The following WWOX variants were observed in gnomAD, a reference collection of about 807,000 sequenced individuals.
WWOX encodes the protein WW domain containing oxidoreductase, also known as WW domain-containing oxidoreductase.
WWOX carries 69 observed loss-of-function variants against 46.2 expected under a neutral mutation model. That is an observed-to-expected ratio of 1.49 (90% CI 1.23 to 1.82). The LOEUF (loss-of-function observed/expected upper bound fraction) is 1.82. Ranked by LOEUF, WWOX falls within the 40% of genes most tolerant of loss-of-function variation. The probability of loss-of-function intolerance (pLI) is 0.00; values close to 1 mark genes in which losing one functional copy is unlikely to be tolerated. For synonymous variants in WWOX, 359 were observed against 202.6 expected (o/e 1.77, Z -6.56); for missense variants, 919 against 542.6 (o/e 1.69, Z -6.89).
intron 6 of WWOX, among the ~76,000 whole-genome samples, chr16:78,397,951 G>C (rs990126908): frequency 6.6e-6 from 1 of 152,188 alleles, no homozygotes; most frequent in Non-Finnish European, 1.5e-5. Context: ...CCAATCAAGA[G>C]GGTGCTGCTT....
intron 8 of WWOX, among the ~76,000 whole-genome samples, chr16:78,806,384 C>T (rs978900507): frequency 6.6e-5 from 10 of 152,114 alleles, no homozygotes; most frequent in Non-Finnish European, 1.5e-4. Flanking sequence ...TGGCTTAAAA[C>T]AACAACATTT....
intron 6 of WWOX, among the ~76,000 whole-genome samples, chr16:78,417,835 G>A (rs921900970): frequency 3.3e-5 from 5 of 152,164 alleles, no homozygotes; most frequent in African/African-American, 9.7e-5. Flanking sequence ...ACCCTATGTG[G>A]AAAACAGGTG....
chr16:78,773,478 G>C (rs983773994), intron 8 of WWOX, among the ~76,000 whole-genome samples: 4 of 152,238 alleles, frequency 2.6e-5, no homozygotes, highest in African/African-American at 9.6e-5. Flanking sequence ...GAGGCGGGCA[G>C]CAGGGTACTT....
rs1555543045 is a variant in WWOX, at chr16:78,144,450, CAT to C, written c.410-19721_410-19720del. Among the ~76,000 whole-genome samples, 4 of 24,936 alleles carry C rather than the reference CAT, an allele frequency of 1.6e-4. 1 individual carries two copies. Among genetic ancestry groups the C allele is most frequent in the Admixed American group, 1.8e-3 (2 of 1,112 alleles). 16.4% of individuals were successfully genotyped at this position (24,936 alleles called of 152,430 possible). On this transcript the variant is annotated intron_variant, in intron 4 of 8. Coordinates refer to ENST00000566780, the MANE Select transcript of WWOX (RefSeq NM_016373.4). ...ATTACTATATATATATATATATACACATATATATATATACACACATATATATA... is the reference window on the plus strand; with the variant it reads ...ATTACTATATATATATATATATACACATATATATATACACACATATATATA...
chr16:78,195,791 C>T (rs756193255), intron 5 of WWOX, among the ~76,000 whole-genome samples: 3 of 132,496 alleles, frequency 2.3e-5, no homozygotes, highest in Admixed American at 9.1e-5. Context: ...CACTGCACTC[C>T]GGCCTGGGTG....
chr16:78,680,344 G>C (rs1398079957), intron 8 of WWOX, among the ~76,000 whole-genome samples: 2 of 152,082 alleles, frequency 1.3e-5, no homozygotes, highest in Admixed American at 1.3e-4. Flanking sequence ...AGGAGTTCAA[G>C]ACCAGCCTGA....
chr16:78,565,465 C>T (rs141158990), intron 8 of WWOX, among the ~76,000 whole-genome samples: 1 of 152,300 alleles, frequency 6.6e-6, no homozygotes, highest in South Asian at 2.1e-4. Flanking sequence ...CATCACATCT[C>T]CTTTACTGAT....
intron 8 of WWOX, among the ~76,000 whole-genome samples, chr16:78,933,711 C>T (rs553525378): frequency 2.0e-4 from 30 of 151,412 alleles, no homozygotes; most frequent in African/African-American, 1.9e-4. Context: ...TGTAGGGAAA[C>T]TCCTGTTTTT....
intron 8 of WWOX, among the ~76,000 whole-genome samples, chr16:78,596,088 C>T (rs1193980258): frequency 3.3e-5 from 5 of 152,062 alleles, no homozygotes; most frequent in Non-Finnish European, 5.9e-5. Context: ...AATTTCTAAT[C>T]ATGTGTGACT....
At chr16:78,999,363 G>C (rs1035847645) in intron 8 of WWOX, among the ~76,000 whole-genome samples, 6 of 152,128 alleles carry the variant, frequency 3.9e-5, no homozygotes, top group African/African-American at 1.4e-4. Context: ...CCAGCTACTC[G>C]AGAGGCTGAG....
Position 78,893,451 on chromosome 16 carries a change from G to T in WWOX, c.1057-318157G>T, listed in dbSNP as rs545750966. ...TTCTCTTTTCTTTTATTTTTCTGTTGCTACTTAGGAAACCATCTCCAGGCT... is the reference window on the plus strand; with the variant it reads ...TTCTCTTTTCTTTTATTTTTCTGTTTCTACTTAGGAAACCATCTCCAGGCT... On this transcript the variant is annotated intron_variant, in intron 8 of 8. Coordinates refer to ENST00000566780, the MANE Select transcript of WWOX (RefSeq NM_016373.4). 3.9e-5 allele frequency among the ~76,000 whole-genome samples: 6 copies of T among 152,078 alleles called. No homozygotes were observed. The South Asian group carries it at 1.2e-3, about 32-fold the overall frequency.
chr16:78,444,051 C>G (rs1030262343), intron 8 of WWOX, among the ~76,000 whole-genome samples: 1 of 152,092 alleles, frequency 6.6e-6, no homozygotes, highest in Non-Finnish European at 1.5e-5. Flanking sequence ...GTAATGTTTT[C>G]CTAGCAAAAA....
At chr16:78,837,439 A>T (rs2052020434) in intron 8 of WWOX, among the ~76,000 whole-genome samples, 1 of 152,238 alleles carries the variant, frequency 6.6e-6, no homozygotes, top group South Asian at 2.1e-4. Flanking sequence ...AACCAAAAGC[A>T]ATTTAAGTCA....
intron 8 of WWOX, among the ~76,000 whole-genome samples, chr16:79,005,764 A>G (rs531714125): frequency 4.3e-4 from 65 of 152,330 alleles, no homozygotes; most frequent in African/African-American, 1.3e-3. Context: ...CCTATTTCCA[A>G]ATAAGGTCAC....
chr16:78,385,156 C>CACACACACACACAT (rs1242193013), intron 5 of WWOX, among the ~76,000 whole-genome samples: 1 of 151,798 alleles, frequency 6.6e-6, no homozygotes, highest in Admixed American at 6.6e-5. Flanking sequence ...CACACACACA[C>CACACACACACACAT]ACACAAAAGC....
intron 5 of WWOX, among the ~76,000 whole-genome samples, chr16:78,378,995 G>T (rs1567536448): frequency 6.6e-6 from 1 of 152,170 alleles, no homozygotes; most frequent in Non-Finnish European, 1.5e-5. Flanking sequence ...ATGAGCATTG[G>T]AACCAGCCAC....
chr16:79,094,288 C>G (rs1344172787), intron 8 of WWOX, among the ~76,000 whole-genome samples: 2 of 147,662 alleles, frequency 1.4e-5, no homozygotes, highest in Non-Finnish European at 3.0e-5. Flanking sequence ...GGGTCTCGCT[C>G]TGTCTCCCAG....
intron 5 of WWOX, among the ~76,000 whole-genome samples, chr16:78,216,915 G>T (rs867376644): frequency 6.6e-6 from 1 of 152,088 alleles, no homozygotes; most frequent in Non-Finnish European, 1.5e-5. Flanking sequence ...TAGAGATGGG[G>T]TTTCACCATG....
intron 4 of WWOX, among the ~76,000 whole-genome samples, chr16:78,118,349 G>T (rs1019135513): frequency 6.6e-6 from 1 of 152,164 alleles, no homozygotes; most frequent in African/African-American, 2.4e-5. Flanking sequence ...TGGAGGAAAT[G>T]TCAGAATAAA....
Sources: allele counts gnomAD v4.1 joint callset (sites outside exome capture counted in the v4.1 genomes callset), GRCh38; gene constraint gnomAD v4.1.1; transcripts MANE v1.5; gene names NCBI Gene and HGNC (gene_info 2026-07-23, HGNC 2026-07-21).